Variants in MEIS1 observed in about 807,000 individuals in gnomAD.
The protein encoded by MEIS1 is homeobox protein Meis1.
In MEIS1, 5 loss-of-function variants were observed where a neutral mutation model predicts 50.8. The ratio of observed to expected loss-of-function variants is 0.10; its 90% confidence interval spans 0.05 to 0.21. The LOEUF is 0.21. MEIS1 is among the 10% of genes least tolerant of loss of function. The probability of loss-of-function intolerance (pLI) is 1.00; values close to 1 mark genes in which losing one functional copy is unlikely to be tolerated. For synonymous variants in MEIS1, 176 were observed against 179.3 expected, an observed-to-expected ratio of 0.98 and a Z score of 0.15; for missense variants, 318 against 517.3, an observed-to-expected ratio of 0.61 and a Z score of 3.74.
chr2:66,450,153 A>G (rs1672245338), intron 6 of MEIS1, among the ~76,000 whole-genome samples: 1 of 152,192 alleles, frequency 6.6e-6, no homozygotes, highest in African/African-American at 2.4e-5. Flanking sequence ...GCATACGCTA[A>G]TGGAGGACAA....
Position 66,512,272 on chromosome 2 carries a change from C to T in MEIS1, c.866C>T (p.Ala289Val), listed in dbSNP as rs1257858865. 1.2e-6 allele frequency: 2 copies of T among 1,611,870 alleles called. No individual in the cohort carries two copies. The highest frequency in any genetic ancestry group is 1.7e-6 in the Non-Finnish European group (2 of 1,179,230). ...FPKVATNIMR[A>V]WLFQHLTHPY... ...AAAGTAGCCACAAATATCATGAGGG[C>T]GTGGCTGTTCCAGCATCTAACAGTA... is the stretch of plus-strand genomic sequence containing the variant. The change falls in exon 8 of 13, where the codon GCG becomes GTG. Residue 289 changes from alanine to valine, a missense_variant. This residue lies in a region of MEIS1 where 40 missense variants were observed against 102.8 expected (regional missense o/e 0.39). Coordinates refer to ENST00000272369, the MANE Select transcript of MEIS1 (RefSeq NM_002398.3).
Position 66,437,808 on chromosome 2 carries a change from T to A in MEIS1, c.84T>A (p.His28Gln). 6.2e-7 allele frequency: 1 copy of A among 1,613,984 alleles called. No homozygotes were observed. The highest frequency in any genetic ancestry group is 2.2e-5 in the East Asian group (1 of 44,862). ...GIPSTMYGDP[H>Q]AARSMQPVHH... ...CCTCCACGATGTATGGGGACCCGCA[T>A]GCAGCCAGGTCCATGCAGCCGGTCC... The change falls in exon 2 of 13, where the codon CAT becomes CAA. Residue 28 changes from histidine to glutamine, a missense_variant. By Grantham distance (24) the His-to-Gln change is conservative (BLOSUM62 0). Coordinates refer to ENST00000272369, the MANE Select transcript of MEIS1 (RefSeq NM_002398.3).
chr2:66,454,014 T>C (rs921740231), intron 6 of MEIS1, among the ~76,000 whole-genome samples: 13 of 152,072 alleles, frequency 8.5e-5, no homozygotes, highest in African/African-American at 1.9e-4. Context: ...AGAGCACTTA[T>C]ATTTGAATCT....
chr2:66,522,630 G>A (rs1057468641), intron 8 of MEIS1, among the ~76,000 whole-genome samples: 2 of 152,176 alleles, frequency 1.3e-5, no homozygotes, highest in African/African-American at 4.8e-5. Context: ...CTGTGAGCAT[G>A]TTTTGCACTT....
chr2:66,543,862 C>A (rs559207900), intron 8 of MEIS1, among the ~76,000 whole-genome samples: 48 of 152,290 alleles, frequency 3.2e-4, no homozygotes, highest in African/African-American at 9.9e-4. Context: ...ACAACAAAGG[C>A]GAGGTCTCCC....
At chr2:66,499,868 A>G (rs148084481) in intron 7 of MEIS1, among the ~76,000 whole-genome samples, 98 of 152,326 alleles carry the variant, frequency 6.4e-4, no homozygotes, top group Admixed American at 3.3e-3. Flanking sequence ...ATATCTGATT[A>G]TAACACTTAA....
chr2:66,442,813 G>T, intron 5 of MEIS1, 89 bp from the exon 6 acceptor site: 2 of 1,270,750 alleles, frequency 1.6e-6, no homozygotes, highest in South Asian at 3.4e-5. Context: ...TGGAAGTTTG[G>T]ATCTCACAAG....
intron 9 of MEIS1, among the ~76,000 whole-genome samples, chr2:66,551,007 A>G (rs1286394871): frequency 6.6e-6 from 1 of 152,210 alleles, no homozygotes; most frequent in Non-Finnish European, 1.5e-5. Flanking sequence ...TTTTGTATGA[A>G]CTATGAGTCA....
chr2:66,470,703 TAAAC>T (rs1242633777), intron 7 of MEIS1, among the ~76,000 whole-genome samples: 3 of 152,210 alleles, frequency 2.0e-5, no homozygotes, highest in African/African-American at 7.2e-5. Context: ...TTTTTCATCT[TAAAC>T]AACCGAAAAG....
chr2:66,484,981 G>A (rs1319144565), intron 7 of MEIS1, among the ~76,000 whole-genome samples: 1 of 152,240 alleles, frequency 6.6e-6, no homozygotes, highest in East Asian at 1.9e-4. Flanking sequence ...TAAAATATAG[G>A]ACGAGATTTT....
Position 66,435,775 on chromosome 2 carries a change from A to C in MEIS1, c.-82A>C. On this transcript the variant is annotated 5_prime_UTR_variant, in exon 1 of 13. Transcript: ENST00000272369. ...TTTTTTTTTTTTTTTTTTCCGGGGG[A>C]GTTTGAATATTTGTTTCTTTTCACA... is the stretch of plus-strand genomic sequence containing the variant. The C allele has an allele frequency of 3.0e-5, 9 of 300,882 alleles. No individual in the cohort carries two copies. Among genetic ancestry groups the C allele is most frequent in the Non-Finnish European group, 3.8e-5 (7 of 184,756 alleles). The allele number at this position is 300,882 out of a possible 1,614,324, so 18.6% of individuals were successfully genotyped here.
chr2:66,470,219 A>G (rs1672733559), intron 7 of MEIS1, among the ~76,000 whole-genome samples: 1 of 152,232 alleles, frequency 6.6e-6, no homozygotes, highest in East Asian at 1.9e-4. Context: ...GCCTTAGAGC[A>G]TCGCAGCCCT....
chr2:66,478,701 A>G (rs772459857), intron 7 of MEIS1, among the ~76,000 whole-genome samples: 1 of 152,254 alleles, frequency 6.6e-6, no homozygotes, highest in Non-Finnish European at 1.5e-5. Context: ...TAAAGGAATA[A>G]TGCAACAATT....
chr2:66,533,843 G>A (rs1674453500), intron 8 of MEIS1, among the ~76,000 whole-genome samples: 2 of 152,078 alleles, frequency 1.3e-5, no homozygotes, highest in Admixed American at 1.3e-4. Context: ...CAGAGATCTT[G>A]GAAGCAAGTT....
intron 7 of MEIS1, among the ~76,000 whole-genome samples, chr2:66,487,397 T>A (rs1673170021): frequency 6.6e-6 from 1 of 152,190 alleles, no homozygotes; most frequent in Non-Finnish European, 1.5e-5. Context: ...TTACCATGTG[T>A]TCTTCATCAG....
intron 8 of MEIS1, among the ~76,000 whole-genome samples, chr2:66,517,516 A>G (rs983402754): frequency 4.0e-4 from 61 of 152,192 alleles, no homozygotes; most frequent in Admixed American, 4.0e-3. Flanking sequence ...CCTTACATGT[A>G]ACTGCCATTC....
chr2:66,454,595 T>C (rs1341780787), intron 6 of MEIS1: 1 of 152,138 alleles, frequency 6.6e-6, no homozygotes, highest in Non-Finnish European at 1.5e-5. Flanking sequence ...TCTGCATTAT[T>C]GGATTTTTCA....
chr2:66,492,736 C>T (rs1276834400), intron 7 of MEIS1, among the ~76,000 whole-genome samples: 4 of 152,176 alleles, frequency 2.6e-5, no homozygotes, highest in African/African-American at 9.7e-5. Context: ...ACAGGTATTC[C>T]ACATGGGTGC....
At chr2:66,451,403 A>G (rs991250157) in intron 6 of MEIS1, among the ~76,000 whole-genome samples, 2 of 152,102 alleles carry the variant, frequency 1.3e-5, no homozygotes, top group Non-Finnish European at 2.9e-5. Context: ...GAAGTTTATA[A>G]TGAAATTGAC....
Sources: allele counts gnomAD v4.1 joint callset (sites outside exome capture counted in the v4.1 genomes callset), GRCh38; gene constraint gnomAD v4.1.1; regional missense constraint gnomAD v4.1.1; transcripts MANE v1.5; gene names NCBI Gene and HGNC (gene_info 2026-07-23, HGNC 2026-07-21).